The following ARHGAP15 variants were observed in gnomAD, a reference collection of about 807,000 sequenced individuals.
ARHGAP15 encodes Rho GTPase activating protein 15, also known as rho GTPase-activating protein 15.
ARHGAP15 carries 51 observed loss-of-function variants against 63.7 expected under a neutral mutation model. The ratio of observed to expected loss-of-function variants is 0.80; its 90% CI spans 0.64 to 1.01. ARHGAP15 has a LOEUF of 1.01. ARHGAP15 is among the 50% of genes least tolerant of loss of function. The pLI, the probability that ARHGAP15 is intolerant of heterozygous loss-of-function variation, is 0.00. For missense variants in ARHGAP15, 560 were observed against 564.6 expected, an observed-to-expected ratio of 0.99 and a Z score of 0.08; for synonymous variants, 191 against 193.8, an observed-to-expected ratio of 0.99 and a Z score of 0.12.
chr2:143,509,968 C>A, intron 9 of ARHGAP15, among the ~76,000 whole-genome samples: 1 of 135,350 alleles, frequency 7.4e-6, no homozygotes, highest in East Asian at 2.2e-4. Flanking sequence ...TGTAGTGAGC[C>A]GAGATTGTAC....
Position 143,372,349 on chromosome 2 carries a change from TAAA to T in ARHGAP15, c.475-63232_475-63230del, listed in dbSNP as rs35140789. 2.0e-3 allele frequency among the ~76,000 whole-genome samples: 231 copies of T among 114,176 alleles called. 1 individual carries two copies. The highest frequency in any genetic ancestry group is 3.4e-3 in the African/African-American group (103 of 29,964). 74.9% of individuals were successfully genotyped at this position (114,176 alleles called of 152,430 possible). A position where few individuals can be genotyped will look rare whatever the true frequency, so the allele number is the denominator to read the frequency against. ...AAAAAATAAAATGGAGTAGTCGATT[TAAA>T]AAAAAAAAAAAAAAAAAAAGGACCC... On this transcript the variant is annotated intron_variant, in intron 6 of 13. Coordinates refer to ENST00000295095, the MANE Select transcript of ARHGAP15 (RefSeq NM_018460.4).
chr2:143,671,437 T>G (rs1424999351), intron 12 of ARHGAP15, among the ~76,000 whole-genome samples: 1 of 152,130 alleles, frequency 6.6e-6, no homozygotes, highest in Non-Finnish European at 1.5e-5. Flanking sequence ...AATTTTGCCT[T>G]TGGTGAGAAA....
chr2:143,487,032 T>C (rs1692356416), intron 8 of ARHGAP15, among the ~76,000 whole-genome samples: 1 of 152,228 alleles, frequency 6.6e-6, no homozygotes, highest in African/African-American at 2.4e-5. Context: ...AGTTGTCTCC[T>C]GTAGTTTAGA....
chr2:143,523,639 T>C (rs569366909), intron 10 of ARHGAP15, among the ~76,000 whole-genome samples: 1 of 152,130 alleles, frequency 6.6e-6, no homozygotes, highest in African/African-American at 2.4e-5. Flanking sequence ...CTAAAGATAT[T>C]TTTATGGATC....
rs747617736 is a variant in ARHGAP15 at position 143,155,473 on chromosome 2, T to C, written c.-14-4T>C. 6.4e-7 allele frequency: 1 copy of C among 1,572,462 alleles called. No homozygotes were observed. Among genetic ancestry groups the C allele is most frequent in the South Asian group, 1.2e-5 (1 of 82,952 alleles). ...ATAACATAATACATTTTATATTTTA[T>C]CAGGATAGCACTATAATATGCAGAA... On this transcript the variant is annotated splice_region_variant and splice_polypyrimidine_tract_variant and intron_variant, in intron 1 of 13. Coordinates refer to ENST00000295095, the MANE Select transcript of ARHGAP15 (RefSeq NM_018460.4).
intron 6 of ARHGAP15, among the ~76,000 whole-genome samples, chr2:143,287,280 A>T (rs1016780412): frequency 1.3e-5 from 2 of 152,200 alleles, no homozygotes; most frequent in Admixed American, 1.3e-4. Context: ...ACATTGGAAG[A>T]GATTAGACTT....
Position 143,768,291 on chromosome 2 carries a change from T to C in ARHGAP15, c.*119T>C, listed in dbSNP as rs1296107695. 1 of 939,852 alleles carries C rather than the reference T, an allele frequency of 1.1e-6. No individual in the cohort carries two copies. The allele number at this position is 939,852 out of a possible 1,614,324, so 58.2% of individuals were successfully genotyped here. On this transcript the variant is annotated 3_prime_UTR_variant, in exon 14 of 14. Transcript: ENST00000295095. ...TTCAAGCGACAGATGCCTCATTTTG[T>C]GAAAACTTAATGATGATTTTGTGTT...
chr2:143,554,453 G>A (rs1434011296), intron 10 of ARHGAP15, among the ~76,000 whole-genome samples: 1 of 151,970 alleles, frequency 6.6e-6, no homozygotes, highest in Non-Finnish European at 1.5e-5. Flanking sequence ...GGCCTCTGAG[G>A]GTGATTTTAG....
chr2:143,387,190 A>T (rs116108228), intron 6 of ARHGAP15, among the ~76,000 whole-genome samples: 1 of 152,198 alleles, frequency 6.6e-6, no homozygotes, highest in African/African-American at 2.4e-5. Context: ...GGGAAAAAAG[A>T]TGAAAAAGAG....
At chr2:143,288,300 G>A (rs372859685) in intron 6 of ARHGAP15, among the ~76,000 whole-genome samples, 3 of 152,066 alleles carry the variant, frequency 2.0e-5, no homozygotes, top group Admixed American at 6.6e-5. Flanking sequence ...TTGGAGTCAC[G>A]TACACAACAT....
intron 10 of ARHGAP15, among the ~76,000 whole-genome samples, chr2:143,526,172 C>T (rs1045011601): frequency 3.3e-5 from 5 of 151,456 alleles, no homozygotes; most frequent in Admixed American, 2.0e-4. Flanking sequence ...CTATGTCTAG[C>T]AATGCATGAC....
At chr2:143,590,395 C>T (rs10197021) in intron 11 of ARHGAP15, among the ~76,000 whole-genome samples, 47,504 of 152,098 alleles carry the variant, frequency 0.31, 8,202 homozygotes, top group East Asian at 0.41. Context: ...ATCTTGCAGT[C>T]TCACTCACCA....
intron 13 of ARHGAP15, among the ~76,000 whole-genome samples, chr2:143,705,088 T>C (rs1470892873): frequency 6.6e-6 from 1 of 152,182 alleles, no homozygotes; most frequent in Non-Finnish European, 1.5e-5. Context: ...TATACAGACT[T>C]CTATTTCATT....
chr2:143,718,429 G>A (rs1319112589), intron 13 of ARHGAP15, among the ~76,000 whole-genome samples: 1 of 152,116 alleles, frequency 6.6e-6, no homozygotes, highest in Non-Finnish European at 1.5e-5. Context: ...TAGCATTTTT[G>A]AGCCTATTAT....
chr2:143,534,419 A>T (rs1422163217), intron 10 of ARHGAP15, among the ~76,000 whole-genome samples: 1 of 152,226 alleles, frequency 6.6e-6, no homozygotes, highest in Non-Finnish European at 1.5e-5. Flanking sequence ...ATGTATACAC[A>T]GACAACGCCA....
chr2:143,331,112 T>G (rs527476213), intron 6 of ARHGAP15, among the ~76,000 whole-genome samples: 30 of 152,322 alleles, frequency 2.0e-4, no homozygotes, highest in South Asian at 1.7e-3. Flanking sequence ...TGAAGGAGTT[T>G]CCCAACTATG....
intron 6 of ARHGAP15, among the ~76,000 whole-genome samples, chr2:143,348,608 G>A (rs771805261): frequency 6.6e-5 from 10 of 152,140 alleles, no homozygotes; most frequent in African/African-American, 2.4e-4. Context: ...AGTCATTCAC[G>A]TTGCTAAAAG....
intron 10 of ARHGAP15, among the ~76,000 whole-genome samples, chr2:143,543,713 A>T (rs377156985): frequency 6.6e-6 from 1 of 151,950 alleles, no homozygotes; most frequent in Non-Finnish European, 1.5e-5. Context: ...AAGTCTTTCA[A>T]TGTAGATCTA....
intron 10 of ARHGAP15, among the ~76,000 whole-genome samples, chr2:143,532,494 G>T (rs1040769553): frequency 1.3e-5 from 2 of 152,112 alleles, no homozygotes; most frequent in Non-Finnish European, 2.9e-5. Context: ...TTATGGATGA[G>T]AGCAGAAAAA....
Sources: gnomAD v4.1 joint callset for allele counts (sites outside exome capture counted in the v4.1 genomes callset) on GRCh38, gnomAD v4.1.1 for gene constraint, MANE v1.5 for transcripts, NCBI Gene and HGNC (gene_info 2026-07-23, HGNC 2026-07-21) for gene names.